Variants in ADTRP observed in about 807,000 individuals in gnomAD.
ADTRP encodes the protein androgen-dependent TFPI-regulating protein.
ADTRP carries 20 observed loss-of-function variants against 27.0 expected under a neutral mutation model. The observed-to-expected ratio is 0.74, with a 90% confidence interval of 0.52 to 1.08. The LOEUF (loss-of-function observed/expected upper bound fraction) is 1.08, where lower values mean the gene tolerates loss of function less well. Ranked by LOEUF, ADTRP falls within the 50% of genes least tolerant of loss-of-function variation. The pLI is 0.00. For synonymous variants in ADTRP, 101 were observed against 105.2 expected (o/e 0.96, Z 0.25); for missense variants, 251 against 275.0 (o/e 0.91, Z 0.62).
intron 4 of ADTRP, among the ~76,000 whole-genome samples, chr6:11,730,486 A>T (rs1383906504): frequency 6.6e-6 from 1 of 152,208 alleles, no homozygotes. Context: ...GAAAGAGAAG[A>T]AGAGAATTGC....
intron 3 of ADTRP, among the ~76,000 whole-genome samples, chr6:11,750,177 T>TA (rs1234418944): frequency 4.6e-5 from 7 of 152,070 alleles, no homozygotes; most frequent in Non-Finnish European, 1.0e-4. Flanking sequence ...GGGGAAAAAT[T>TA]AAAAAACAGC....
intron 1 of ADTRP, among the ~76,000 whole-genome samples, chr6:11,773,476 C>G (rs972301954): frequency 6.6e-6 from 1 of 152,136 alleles, no homozygotes; most frequent in East Asian, 1.9e-4. Context: ...CTGAGCTGCT[C>G]GTTCAGAGCT....
At chr6:11,720,687 G>A (rs1761996685) in intron 5 of ADTRP, among the ~76,000 whole-genome samples, 1 of 152,034 alleles carries the variant, frequency 6.6e-6, no homozygotes, top group South Asian at 2.1e-4. Flanking sequence ...TAGCCAGGAT[G>A]GTCTCGATCT....
At chr6:11,743,196 G>A (rs990930932) in intron 3 of ADTRP, among the ~76,000 whole-genome samples, 2 of 152,098 alleles carry the variant, frequency 1.3e-5, no homozygotes, top group Non-Finnish European at 2.9e-5. Flanking sequence ...AATTTCATGT[G>A]TTTTTTTCCC....
rs530748241 is a variant in ADTRP, at chr6:11,771,607, C to T, written c.154-3224G>A. Among the ~76,000 whole-genome samples the T allele has an allele frequency of 1.2e-4, 18 of 152,322 alleles. No individual in the cohort carries two copies. In the East Asian group the frequency reaches 1.7e-3, roughly 15 times the overall value. The stretch of plus-strand genomic sequence containing the variant: ...GATGAGCTTGACTCACGATAACAGA[C>T]GGAGCGATCAGGGGAGGCAATGTTA... On this transcript the variant is annotated intron_variant, in intron 1 of 5. Transcript: ENST00000414691.
At chr6:11,720,298 C>A (rs1296216070) in intron 5 of ADTRP, among the ~76,000 whole-genome samples, 1 of 152,042 alleles carries the variant, frequency 6.6e-6, no homozygotes, top group Admixed American at 6.6e-5. Context: ...CAACTGAGTG[C>A]CCAAGCCTAG....
intron 5 of ADTRP, among the ~76,000 whole-genome samples, chr6:11,720,024 A>G (rs1371342447): frequency 6.6e-6 from 1 of 152,198 alleles, no homozygotes; most frequent in East Asian, 1.9e-4. Context: ...AGAGACCTTC[A>G]GTGTCTCACT....
chr6:11,770,927 C>T (rs1387294594), intron 1 of ADTRP, among the ~76,000 whole-genome samples: 3 of 152,168 alleles, frequency 2.0e-5, no homozygotes, highest in African/African-American at 7.2e-5. Context: ...ATCAGCAGGG[C>T]AATTAATCCC....
chr6:11,723,827 G>A (rs1330387200), intron 4 of ADTRP, among the ~76,000 whole-genome samples: 2 of 152,140 alleles, frequency 1.3e-5, no homozygotes, highest in Admixed American at 1.3e-4. Flanking sequence ...GGGAGGCTGA[G>A]GGGGGTGGAT....
chr6:11,771,382 C>T (rs1048271099), intron 1 of ADTRP, among the ~76,000 whole-genome samples: 2 of 152,172 alleles, frequency 1.3e-5, no homozygotes, highest in African/African-American at 2.4e-5. Flanking sequence ...ACTAGGGAGC[C>T]GCCAAGGAAA....
intron 3 of ADTRP, among the ~76,000 whole-genome samples, chr6:11,737,356 G>A (rs1036767525): frequency 3.9e-5 from 6 of 152,116 alleles, no homozygotes; most frequent in African/African-American, 1.4e-4. Flanking sequence ...CCAGGGCAGC[G>A]GTGTTGGCCC....
intron 3 of ADTRP, among the ~76,000 whole-genome samples, chr6:11,741,365 C>T (rs934265319): frequency 1.3e-5 from 2 of 152,220 alleles, no homozygotes; most frequent in Non-Finnish European, 2.9e-5. Context: ...AAAATTCTTT[C>T]AACCTTGCTT....
intron 3 of ADTRP, among the ~76,000 whole-genome samples, chr6:11,744,594 G>T (rs1762811691): frequency 6.6e-6 from 1 of 152,170 alleles, no homozygotes; most frequent in Non-Finnish European, 1.5e-5. Context: ...GATGGGGCCA[G>T]GTGGAAGGGC....
At chr6:11,778,477 C>T (rs1764031213) in intron 1 of ADTRP, 130 bp downstream of exon 1, 1 of 1,314,574 alleles carries the variant, frequency 7.6e-7, no homozygotes, top group Non-Finnish European at 1.0e-6. Context: ...AAACCCAAAA[C>T]TCACAAAACG....
At chr6:11,758,614 T>G (rs1410401513) in intron 3 of ADTRP, among the ~76,000 whole-genome samples, 1 of 143,434 alleles carries the variant, frequency 7.0e-6, no homozygotes, top group Non-Finnish European at 1.5e-5. Context: ...GTATACCTAA[T>G]GCTAAATGAC....
In ADTRP at chr6:11,714,518, C is replaced by G. The variant is rs371743362; in HGVS notation, c.659-6G>C. ...CCGTGGCTGCCTCATGTCACCTGTA[C>G]AAACAAGAACAGAGACAGACCTCAG... On this transcript the variant is annotated splice_polypyrimidine_tract_variant and splice_region_variant and intron_variant, in intron 5 of 5. Transcript: ENST00000414691. The G allele has an allele frequency of 3.1e-6, 5 of 1,612,696 alleles. No homozygotes were observed. The highest frequency in any genetic ancestry group is 4.2e-6 in the Non-Finnish European group (5 of 1,179,654).
chr6:11,723,606 C>CA (rs1762089265), intron 4 of ADTRP, 106 bp from the exon 5 acceptor site: 1 of 1,330,728 alleles, frequency 7.5e-7, no homozygotes, highest in African/African-American at 1.5e-5. Context: ...GAAGAGAACC[C>CA]ATCAGGGACG....
At chr6:11,754,848 T>C (rs781780658) in intron 3 of ADTRP, among the ~76,000 whole-genome samples, 5 of 152,106 alleles carry the variant, frequency 3.3e-5, no homozygotes, top group Non-Finnish European at 5.9e-5. Context: ...GCTATTTAAT[T>C]AGGAAGAGGA....
chr6:11,754,186 C>T (rs1763141359), intron 3 of ADTRP, among the ~76,000 whole-genome samples: 1 of 152,226 alleles, frequency 6.6e-6, no homozygotes, highest in African/African-American at 2.4e-5. Context: ...TCTCACATGG[C>T]TTAACATGCA....
Sources: gnomAD v4.1 joint callset for allele counts (sites outside exome capture counted in the v4.1 genomes callset) on GRCh38, gnomAD v4.1.1 for gene constraint, MANE v1.5 for transcripts, NCBI Gene and HGNC (gene_info 2026-07-23, HGNC 2026-07-21) for gene names.